Variants in PPIL2 observed in about 807,000 individuals in gnomAD.
PPIL2 encodes RING-type E3 ubiquitin-protein ligase PPIL2.
PPIL2 carries 50 observed loss-of-function variants against 75.2 expected under a neutral mutation model. The ratio of observed to expected loss-of-function variants is 0.66; its 90% CI spans 0.53 to 0.84. PPIL2 has a LOEUF of 0.84. Ranked by LOEUF, PPIL2 falls within the 40% of genes least tolerant of loss-of-function variation. The pLI is 0.00. For synonymous variants in PPIL2, 245 were observed against 258.8 expected (o/e 0.95, Z 0.51); for missense variants, 590 against 685.0 (o/e 0.86, Z 1.55).
In PPIL2 at chr22:21,687,661, A is replaced by AACTTC; in HGVS notation, c.918_922dup (p.Ile308ThrfsTer24). The AACTTC allele has an allele frequency of 1.2e-6, 2 of 1,614,134 alleles. No homozygotes were observed. The highest frequency in any genetic ancestry group is 1.7e-6 in the Non-Finnish European group (2 of 1,179,992). Reference sequence around the variant, plus strand: ...GTTGCAGACACCAAAAACCTGCGAAAACTTCATCAGGCTTTGCAAGAAGCA... The same window carrying AACTTC: ...GTTGCAGACACCAAAAACCTGCGAAAACTTCACTTCATCAGGCTTTGCAAGAAGCA... On this transcript the variant is annotated frameshift_variant, in exon 13 of 20. Coordinates refer to ENST00000398831, the MANE Select transcript of PPIL2 (RefSeq NM_014337.4). LOFTEE classifies it high-confidence loss of function.
chr22:21,687,968 A>C, intron 13 of PPIL2, 105 bp from the exon 14 acceptor site: 2 of 1,447,180 alleles, frequency 1.4e-6, no homozygotes, highest in South Asian at 2.3e-5. Flanking sequence ...CCAAGAGCCC[A>C]GCCCCTGTGT....
intron 1 of PPIL2, among the ~76,000 whole-genome samples, chr22:21,668,825 C>T (rs1240889394): frequency 6.7e-6 from 1 of 149,846 alleles, no homozygotes; most frequent in African/African-American, 2.5e-5. Flanking sequence ...CATTCTCCTG[C>T]CTCAGCCTCC....
Position 21,675,035 on chromosome 22 carries a change from T to C in PPIL2, c.244-29T>C, listed in dbSNP as rs747542500. Reference sequence around the variant, plus strand: ...CTGTGCATCAGTTACTTATTCATTATCATTAATTATTAACTGTGCTTCTTC... The same window carrying C: ...CTGTGCATCAGTTACTTATTCATTACCATTAATTATTAACTGTGCTTCTTC... On this transcript the variant is annotated intron_variant, in intron 5 of 19. Coordinates refer to ENST00000398831, the MANE Select transcript of PPIL2 (RefSeq NM_014337.4). 7.2e-5 allele frequency: 114 copies of C among 1,583,930 alleles called. 2 individuals carry two copies. In the South Asian group the frequency reaches 7.7e-4, roughly 11 times the overall value.
Position 21,696,863 on chromosome 22 carries a change from C to T in PPIL2, c.*1373C>T. 6.3e-7 allele frequency: 1 copy of T among 1,584,114 alleles called. No individual in the cohort carries two copies. On this transcript the variant is annotated 3_prime_UTR_variant, in exon 20 of 20. Coordinates refer to ENST00000398831, the MANE Select transcript of PPIL2 (RefSeq NM_014337.4). Reference sequence around the variant, plus strand: ...GGTGGCGCCTCATCTGCATCTCTGCCTCACCCCATCCACTGCCACAGGCTG... The same window carrying T: ...GGTGGCGCCTCATCTGCATCTCTGCTTCACCCCATCCACTGCCACAGGCTG...
intron 10 of PPIL2, chr22:21,685,781 TC>T (rs1265988122): frequency 5.1e-6 from 2 of 388,754 alleles, no homozygotes; most frequent in Non-Finnish European, 1.0e-5. Flanking sequence ...AACCCCTTTT[TC>T]TTCCTCTATG....
At chr22:21,677,678 G>A (rs1173465948) in intron 6 of PPIL2, among the ~76,000 whole-genome samples, 1 of 149,878 alleles carries the variant, frequency 6.7e-6, no homozygotes, top group Non-Finnish European at 1.5e-5. Flanking sequence ...GCATCAGAGG[G>A]AGACCCTGGG....
intron 9 of PPIL2, among the ~76,000 whole-genome samples, chr22:21,684,454 CAAAAAAAAAA>C (rs1028354500): frequency 1.1e-4 from 5 of 47,550 alleles, no homozygotes; most frequent in East Asian, 6.5e-4. Flanking sequence ...TCCATCTCCA[CAAAAAAAAAA>C]AAAAAAAAAA....
chr22:21,694,145 G>A (rs1043020364), intron 16 of PPIL2, among the ~76,000 whole-genome samples: 1 of 152,166 alleles, frequency 6.6e-6, no homozygotes, highest in African/African-American at 2.4e-5. Flanking sequence ...CGCGCCACTC[G>A]CAAGCCTGGC....
Position 21,695,633 on chromosome 22 carries a change from C to A in PPIL2, c.*143C>A. On this transcript the variant is annotated 3_prime_UTR_variant, in exon 20 of 20. Transcript: ENST00000398831. ...GCTGCCTGCATCCCCTTTCCTGGCC[C>A]CTGGGAGCCCACAGCCTTCCCATCC... 6.8e-7 allele frequency: 1 copy of A among 1,468,858 alleles called. No homozygotes were observed. The highest frequency in any genetic ancestry group is 9.0e-7 in the Non-Finnish European group (1 of 1,106,716). 91.0% of individuals were successfully genotyped at this position (1,468,858 alleles called of 1,614,324 possible).
Position 21,666,069 on chromosome 22 carries a change from C to A in PPIL2, c.-31C>A, listed in dbSNP as rs1601488536. 1.2e-6 allele frequency: 2 copies of A among 1,609,496 alleles called. No homozygotes were observed. Among genetic ancestry groups the A allele is most frequent in the Non-Finnish European group, 8.5e-7 (1 of 1,178,052 alleles). ...TCTGAGTTGTCAGCCGTTGTTTTTT[C>A]GTGCTCGCTAGTCGCCGCCGCCGCT... On this transcript the variant is annotated 5_prime_UTR_variant, in exon 1 of 20. Coordinates refer to ENST00000398831, the MANE Select transcript of PPIL2 (RefSeq NM_014337.4).
intron 1 of PPIL2, among the ~76,000 whole-genome samples, chr22:21,669,000 C>A (rs1314563326): frequency 2.1e-5 from 3 of 143,356 alleles, no homozygotes; most frequent in Non-Finnish European, 4.5e-5. Flanking sequence ...TGTGAGCCAC[C>A]GTGCCTGGCC....
intron 5 of PPIL2, 26 bp downstream of exon 5, chr22:21,672,407 T>A: frequency 6.3e-7 from 1 of 1,575,110 alleles, no homozygotes; most frequent in African/African-American, 1.3e-5. Flanking sequence ...GGAGTTTCAG[T>A]GATGCTAGTG....
chr22:21,676,993 A>G (rs2066891336), intron 6 of PPIL2, among the ~76,000 whole-genome samples: 1 of 142,934 alleles, frequency 7.0e-6, no homozygotes, highest in Admixed American at 6.9e-5. Flanking sequence ...GCTGCCCCCC[A>G]CCTCCCTCTT....
chr22:21,696,099 C>T lies in PPIL2; in HGVS notation c.*609C>T. On this transcript the variant is annotated 3_prime_UTR_variant, in exon 20 of 20. Coordinates refer to ENST00000398831, the MANE Select transcript of PPIL2 (RefSeq NM_014337.4). The stretch of plus-strand genomic sequence containing the variant: ...CATTACCTGGGACAAGTTTTCAGAC[C>T]CCAGACTTACTGAGCCTAAGCCTCT... 1 of 971,600 alleles carries T rather than the reference C, an allele frequency of 1.0e-6. No homozygotes were observed. The highest frequency in any genetic ancestry group is 4.5e-5 in the South Asian group (1 of 22,182). 60.2% of individuals were successfully genotyped at this position (971,600 alleles called of 1,614,324 possible).
At chr22:21,685,055 G>A in intron 10 of PPIL2, 142 bp downstream of exon 10, 4 of 1,218,422 alleles carry the variant, frequency 3.3e-6, no homozygotes, top group Non-Finnish European at 4.5e-6. Context: ...CAGAGCTGTG[G>A]TGCCCCTGAT....
At chr22:21,688,622 C>A in intron 14 of PPIL2, 110 bp from the exon 15 acceptor site, 1 of 1,034,262 alleles carries the variant, frequency 9.7e-7, no homozygotes, top group Admixed American at 2.0e-5. Context: ...AGTGCCCCTG[C>A]CCCAGGCTGG....
chr22:21,686,579 A>G, intron 11 of PPIL2, 21 bp downstream of exon 11: 1 of 1,610,658 alleles, frequency 6.2e-7, no homozygotes, highest in Non-Finnish European at 8.5e-7. Context: ...TGGCCTCTGT[A>G]GCCACCTGCC....
chr22:21,676,178 C>A (rs543349984), intron 6 of PPIL2, among the ~76,000 whole-genome samples: 11 of 151,782 alleles, frequency 7.2e-5, no homozygotes, highest in Non-Finnish European at 1.3e-4. Context: ...TCATTGACGT[C>A]GGTGGAGGAC....
rs577479660 is a variant in PPIL2 at position 21,695,373 on chromosome 22, A to T, written c.1467-21A>T. Reference sequence around the variant, plus strand: ...GGGCTGAGGGAGGGTGTGGGCTCCCAGCGGCTTCTTCTCTTCCCAGGAAGC... The same window carrying T: ...GGGCTGAGGGAGGGTGTGGGCTCCCTGCGGCTTCTTCTCTTCCCAGGAAGC... On this transcript the variant is annotated intron_variant, in intron 19 of 19. Coordinates refer to ENST00000398831, the MANE Select transcript of PPIL2 (RefSeq NM_014337.4). 5.0e-6 allele frequency: 8 copies of T among 1,584,286 alleles called. No individual in the cohort carries two copies. The African/African-American group carries it at 9.4e-5, about 19-fold the overall frequency.
Sources: allele counts gnomAD v4.1 joint callset (sites outside exome capture counted in the v4.1 genomes callset), GRCh38; gene constraint gnomAD v4.1.1; transcripts MANE v1.5; gene names NCBI Gene and HGNC (gene_info 2026-07-23, HGNC 2026-07-21).